The following DMRT1 variants were observed in gnomAD, a reference collection of about 807,000 sequenced individuals.
DMRT1 encodes doublesex and mab-3 related transcription factor 1.
DMRT1 carries 7 observed loss-of-function variants against 32.3 expected under a neutral mutation model. That is an observed-to-expected ratio of 0.22 (90% CI 0.12 to 0.41). DMRT1 has a LOEUF of 0.41. Ranked by LOEUF, DMRT1 falls within the 10% of genes least tolerant of loss-of-function variation. The pLI, the probability that DMRT1 is intolerant of heterozygous loss-of-function variation, is 1.00. For synonymous variants in DMRT1, 278 were observed against 206.1 expected, an observed-to-expected ratio of 1.35 and a Z score of -2.99; for missense variants, 625 against 500.5, an observed-to-expected ratio of 1.25 and a Z score of -2.37.
At chr9:928,070 G>A (rs1183640972) in intron 4 of DMRT1, among the ~76,000 whole-genome samples, 1 of 152,136 alleles carries the variant, frequency 6.6e-6, no homozygotes, top group Non-Finnish European at 1.5e-5. Flanking sequence ...AAATCCTAGT[G>A]CTGCCTAGTG....
chr9:914,297 A>G (rs183340278), intron 3 of DMRT1, among the ~76,000 whole-genome samples: 10 of 151,944 alleles, frequency 6.6e-5, no homozygotes, highest in African/African-American at 9.7e-5. Context: ...TAATGTGGCC[A>G]GGCGCGGTGG....
At chr9:869,239 C>A (rs570644183) in intron 2 of DMRT1, among the ~76,000 whole-genome samples, 1 of 152,110 alleles carries the variant, frequency 6.6e-6, no homozygotes, top group East Asian at 1.9e-4. Flanking sequence ...CTCTTCCTCC[C>A]CTTTCCCTAT....
intron 2 of DMRT1, among the ~76,000 whole-genome samples, chr9:877,680 G>A (rs548964065): frequency 6.6e-6 from 1 of 152,172 alleles, no homozygotes; most frequent in South Asian, 2.1e-4. Flanking sequence ...CTGTGTCTCT[G>A]TTCACTTTCC....
intron 4 of DMRT1, among the ~76,000 whole-genome samples, chr9:949,736 C>G (rs182269777): frequency 2.0e-4 from 30 of 152,290 alleles, no homozygotes; most frequent in Admixed American, 1.2e-3. Context: ...TTCTCTCAGG[C>G]CCTGTAGCCA....
At chr9:871,104 T>A (rs979411868) in intron 2 of DMRT1, among the ~76,000 whole-genome samples, 1 of 151,674 alleles carries the variant, frequency 6.6e-6, no homozygotes, top group Non-Finnish European at 1.5e-5. Flanking sequence ...GGGGCAATCA[T>A]GGGCACATTG....
At chr9:919,490 T>G in intron 4 of DMRT1, among the ~76,000 whole-genome samples, 1 of 152,108 alleles carries the variant, frequency 6.6e-6, no homozygotes, top group Non-Finnish European at 1.5e-5. Context: ...CTTTTCTTTG[T>G]AAAAGGATAG....
In DMRT1 at chr9:968,348, C is replaced by T. The variant is rs558269202; in HGVS notation, c.*209C>T. The T allele has an allele frequency of 5.2e-6, 3 of 571,644 alleles. No homozygotes were observed. The highest frequency in any genetic ancestry group is 6.2e-5 in the Admixed American group (2 of 32,124). The allele number at this position is 571,644 out of a possible 1,614,324, so 35.4% of individuals were successfully genotyped here. ...CCATCTGCATGGTTTAAGTGCTTTA[C>T]TCACGGAGTTTAAATAATAGTGTTC... On this transcript the variant is annotated 3_prime_UTR_variant, in exon 5 of 5. Coordinates refer to ENST00000382276, the MANE Select transcript of DMRT1 (RefSeq NM_021951.3).
chr9:885,820 G>A lies in DMRT1; in HGVS notation c.539-8092G>A, dbSNP rs1190665047. 1.4e-4 allele frequency among the ~76,000 whole-genome samples: 22 copies of A among 152,154 alleles called. 1 individual carries two copies. Among genetic ancestry groups the A allele is most frequent in the Admixed American group, 1.4e-3 (22 of 15,280 alleles). On this transcript the variant is annotated intron_variant, in intron 2 of 4. Transcript: ENST00000382276. ...ACCCAGCACTTCCCTGCCCACTTCTGTATCAGATCTACAGGTTGATAATTC... is the reference window on the plus strand; with the variant it reads ...ACCCAGCACTTCCCTGCCCACTTCTATATCAGATCTACAGGTTGATAATTC...
chr9:958,574 A>G (rs564400849), intron 4 of DMRT1, among the ~76,000 whole-genome samples: 1 of 152,192 alleles, frequency 6.6e-6, no homozygotes, highest in South Asian at 2.1e-4. Flanking sequence ...ACCATGTTGG[A>G]CAGGCTGGTC....
intron 2 of DMRT1, among the ~76,000 whole-genome samples, chr9:890,419 G>C (rs1586573583): frequency 6.6e-6 from 1 of 152,322 alleles, no homozygotes; most frequent in East Asian, 1.9e-4. Flanking sequence ...CAGTGGTTTG[G>C]GAGTGCATTT....
At chr9:885,614 G>A (rs925640434) in intron 2 of DMRT1, among the ~76,000 whole-genome samples, 5 of 152,142 alleles carry the variant, frequency 3.3e-5, no homozygotes, top group African/African-American at 7.2e-5. Context: ...ATGCCCAGCC[G>A]CTTGTGTGTC....
intron 3 of DMRT1, among the ~76,000 whole-genome samples, chr9:895,800 AC>A (rs1413836731): frequency 6.9e-6 from 1 of 145,468 alleles, no homozygotes; most frequent in Non-Finnish European, 1.5e-5. Context: ...TATAACTGAA[AC>A]TTTTTTTTTT....
At chr9:874,763 C>A (rs1037283161) in intron 2 of DMRT1, among the ~76,000 whole-genome samples, 5 of 150,972 alleles carry the variant, frequency 3.3e-5, no homozygotes, top group Non-Finnish European at 5.9e-5. Flanking sequence ...CTTGTCATAA[C>A]CCTGTATTAA....
At chr9:929,793 C>T (rs1172513347) in intron 4 of DMRT1, among the ~76,000 whole-genome samples, 1 of 152,098 alleles carries the variant, frequency 6.6e-6, no homozygotes, top group African/African-American at 2.4e-5. Context: ...TAAGTCCCCC[C>T]AGGATGTAAA....
At chr9:954,136 T>C (rs1040007169) in intron 4 of DMRT1, among the ~76,000 whole-genome samples, 1 of 152,102 alleles carries the variant, frequency 6.6e-6, no homozygotes, top group African/African-American at 2.4e-5. Context: ...GGAGAGAGGC[T>C]AGGACGTGGC....
intron 4 of DMRT1, among the ~76,000 whole-genome samples, chr9:963,824 C>G (rs1468660767): frequency 6.6e-6 from 1 of 152,192 alleles, no homozygotes; most frequent in Non-Finnish European, 1.5e-5. Flanking sequence ...CTATGGTTAT[C>G]ATGAAGTGGA....
intron 2 of DMRT1, among the ~76,000 whole-genome samples, chr9:855,714 G>T (rs1328197924): frequency 6.6e-6 from 1 of 152,148 alleles, no homozygotes; most frequent in African/African-American, 2.4e-5. Context: ...TGACCTCCTG[G>T]GCTCAGCAAT....
intron 2 of DMRT1, among the ~76,000 whole-genome samples, chr9:881,889 G>T (rs1816748180): frequency 6.6e-6 from 1 of 152,210 alleles, no homozygotes; most frequent in Admixed American, 6.5e-5. Flanking sequence ...TGTTGATAGA[G>T]TCCCAAACTG....
In DMRT1 at chr9:863,262, G is replaced by A. The variant is rs935229781; in HGVS notation, c.538+16119G>A. On this transcript the variant is annotated intron_variant, in intron 2 of 4. Coordinates refer to ENST00000382276, the MANE Select transcript of DMRT1 (RefSeq NM_021951.3). ...GACCCCAGGATTTCAAGGCTGCAGT[G>A]AACAGTGATCATGCCACTGCATTTC... is the stretch of plus-strand genomic sequence containing the variant. Among the ~76,000 whole-genome samples the A allele has an allele frequency of 2.1e-4, 31 of 150,736 alleles. 1 individual carries two copies. The highest frequency in any genetic ancestry group is 4.9e-4 in the African/African-American group (20 of 40,888).
Sources: gnomAD v4.1 joint callset for allele counts (sites outside exome capture counted in the v4.1 genomes callset) on GRCh38, gnomAD v4.1.1 for gene constraint, MANE v1.5 for transcripts, NCBI Gene and HGNC (gene_info 2026-07-23, HGNC 2026-07-21) for gene names.